Variants in VEZT observed in about 807,000 individuals in gnomAD.
VEZT encodes vezatin.
Under a neutral mutation model 79.9 loss-of-function variants are expected in VEZT, and 39 were observed. The observed-to-expected ratio is 0.49, with a 90% CI of 0.38 to 0.64. The LOEUF (loss-of-function observed/expected upper bound fraction) is 0.64. VEZT is among the 30% of genes least tolerant of loss of function. The pLI is 0.00. For synonymous variants in VEZT, 325 were observed against 327.6 expected, an observed-to-expected ratio of 0.99 and a Z score of 0.09; for missense variants, 837 against 893.1, an observed-to-expected ratio of 0.94 and a Z score of 0.80.
At chr12:95,246,951 T>C (rs1167143869) in intron 1 of VEZT, among the ~76,000 whole-genome samples, 11 of 152,240 alleles carry the variant, frequency 7.2e-5, no homozygotes, top group Non-Finnish European at 2.9e-5. Flanking sequence ...AGCTACCATC[T>C]AATACTTTAT....
intron 11 of VEZT, chr12:95,299,419 C>A (rs561964679): frequency 1.3e-5 from 2 of 152,254 alleles, no homozygotes; most frequent in Admixed American, 6.6e-5. Context: ...CAACTTCTAC[C>A]GTATGAATAT....
In VEZT at chr12:95,252,043, A is replaced by G; in HGVS notation, c.140A>G (p.Gln47Arg). The G allele has an allele frequency of 1.1e-5, 17 of 1,611,236 alleles. No homozygotes were observed. The highest frequency in any genetic ancestry group is 1.4e-5 in the Non-Finnish European group (17 of 1,178,954). Residue 47 changes from glutamine (Q) to arginine (R), a missense_variant, in exon 2 of 12, where the codon CAA becomes CGA. Coordinates refer to ENST00000436874, the MANE Select transcript of VEZT (RefSeq NM_017599.4). ...GAAAAATGCACAACAGAGGGACAAC[A>G]AAAGCCTCCTACAAGAGTCCTACCA... The part of the protein sequence containing the change: ...KTEKCTTEGQ[Q>R]KPPTRVLPKQ...
intron 9 of VEZT, 53 bp from the exon 10 acceptor site, chr12:95,294,219 T>C: frequency 6.9e-7 from 1 of 1,451,674 alleles, no homozygotes; most frequent in Non-Finnish European, 9.4e-7. Flanking sequence ...GTTCACTCAT[T>C]TCTGTGTGGT....
At chr12:95,225,219 C>G (rs997409551) in intron 1 of VEZT, among the ~76,000 whole-genome samples, 5 of 152,194 alleles carry the variant, frequency 3.3e-5, no homozygotes, top group African/African-American at 1.2e-4. Context: ...CCTACAGGAT[C>G]AAGCTCTATC....
At chr12:95,255,403 C>G (rs1049603684) in intron 2 of VEZT, among the ~76,000 whole-genome samples, 1 of 152,018 alleles carries the variant, frequency 6.6e-6, no homozygotes, top group African/African-American at 2.4e-5. Context: ...AACTTAAAGG[C>G]CTTTATTGTT....
rs986215261 is a variant in VEZT at position 95,287,608 on chromosome 12, A to G, written c.1329-56A>G. ...TATTTTAAAATAAGCCTCGTAAATTATAAATTTTTCATTTCATATTATAGA... is the reference window on the plus strand; with the variant it reads ...TATTTTAAAATAAGCCTCGTAAATTGTAAATTTTTCATTTCATATTATAGA... On this transcript the variant is annotated intron_variant, in intron 8 of 11. Transcript: ENST00000436874. 18 of 1,381,906 alleles carry G rather than the reference A, an allele frequency of 1.3e-5. No individual in the cohort carries two copies. The Admixed American group carries it at 2.9e-4, about 22-fold the overall frequency. 85.6% of individuals were successfully genotyped at this position (1,381,906 alleles called of 1,614,324 possible).
intron 1 of VEZT, among the ~76,000 whole-genome samples, chr12:95,237,596 C>CA (rs1331600672): frequency 6.6e-6 from 1 of 152,164 alleles, no homozygotes; most frequent in Non-Finnish European, 1.5e-5. Flanking sequence ...GTATAGCCCC[C>CA]ATAGCCTTGG....
intron 6 of VEZT, among the ~76,000 whole-genome samples, chr12:95,273,602 A>G (rs945657976): frequency 5.3e-5 from 8 of 152,182 alleles, no homozygotes; most frequent in Non-Finnish European, 8.8e-5. Flanking sequence ...TTTTTTAACT[A>G]CCAGATCCAG....
intron 2 of VEZT, 159 bp downstream of exon 2, chr12:95,252,230 T>A: frequency 4.5e-6 from 3 of 667,566 alleles, no homozygotes; most frequent in Non-Finnish European, 6.7e-6. Flanking sequence ...CATGAATCCT[T>A]ACTGCTTTGG....
intron 10 of VEZT, among the ~76,000 whole-genome samples, chr12:95,295,756 G>T (rs2074004075): frequency 6.6e-6 from 1 of 152,206 alleles, no homozygotes; most frequent in Admixed American, 6.5e-5. Context: ...TATAGCTAAT[G>T]GCTGTAACAC....
chr12:95,270,049 A>C lies in VEZT; in HGVS notation c.711-2A>C. 6.2e-7 allele frequency: 1 copy of C among 1,609,942 alleles called. No individual in the cohort carries two copies. The highest frequency in any genetic ancestry group is 1.3e-5 in the African/African-American group (1 of 74,986). On this transcript the variant is annotated splice_acceptor_variant, in intron 5 of 11. Transcript: ENST00000436874. LOFTEE classifies it high-confidence loss of function. The stretch of plus-strand genomic sequence containing the variant: ...ATTTTACTTTTCAAGTTTGCTTGAC[A>C]GGGTCAGTGCTGCTTGCCCATTTAA...
chr12:95,228,866 G>T (rs928630628), intron 1 of VEZT, among the ~76,000 whole-genome samples: 8 of 152,076 alleles, frequency 5.3e-5, no homozygotes, highest in Admixed American at 2.0e-4. Context: ...TGGCCAGTGT[G>T]GTGGCATGTA....
chr12:95,275,602 A>G (rs1159697294), intron 7 of VEZT, among the ~76,000 whole-genome samples: 7 of 152,166 alleles, frequency 4.6e-5, no homozygotes, highest in Non-Finnish European at 8.8e-5. Context: ...TAAACTTTTA[A>G]CTTCAAATAA....
chr12:95,276,754 C>A (rs2067872182), intron 7 of VEZT, among the ~76,000 whole-genome samples: 1 of 152,104 alleles, frequency 6.6e-6, no homozygotes, highest in African/African-American at 2.4e-5. Context: ...TATTGACTTC[C>A]ATATCTTTTA....
At chr12:95,267,439 A>G (rs1566175762) in intron 5 of VEZT, among the ~76,000 whole-genome samples, 1 of 152,184 alleles carries the variant, frequency 6.6e-6, no homozygotes, top group Non-Finnish European at 1.5e-5. Flanking sequence ...TTTGCAATCT[A>G]TAGGTGGGGG....
At position 95,302,537 on chromosome 12, in the gene VEZT, T is replaced by C. The variant is rs2075324525; in HGVS notation, c.*1864T>C. ...TTTGAGTATTTGTTCTTTTGTGTAGTTTCCATCTTTTAAAATATTTAAAAT... is the reference window on the plus strand; with the variant it reads ...TTTGAGTATTTGTTCTTTTGTGTAGCTTCCATCTTTTAAAATATTTAAAAT... On this transcript the variant is annotated 3_prime_UTR_variant, in exon 12 of 12. Coordinates refer to ENST00000436874, the MANE Select transcript of VEZT (RefSeq NM_017599.4). 6.6e-6 allele frequency: 1 copy of C among 152,176 alleles called. No individual in the cohort carries two copies. Among genetic ancestry groups the C allele is most frequent in the Non-Finnish European group, 1.5e-5 (1 of 68,026 alleles). 9.4% of individuals were successfully genotyped at this position (152,176 alleles called of 1,614,324 possible). A position where few individuals can be genotyped will look rare whatever the true frequency, so the allele number is the denominator to read the frequency against.
chr12:95,287,708 A>C lies in VEZT; in HGVS notation c.1373A>C (p.Lys458Thr). The C allele has an allele frequency of 6.3e-7, 1 of 1,592,758 alleles. No individual in the cohort carries two copies. Among genetic ancestry groups the C allele is most frequent in the Non-Finnish European group, 8.6e-7 (1 of 1,168,334 alleles). Residue 458 changes from lysine to threonine, a missense_variant, in exon 9 of 12, where the codon AAA becomes ACA. Lys to Thr is a moderately conservative substitution (Grantham distance 78, BLOSUM62 -1). Transcript: ENST00000436874. ...GAACTTGAAAAGCTTGTTTGTACTA[A>C]AGAAACACAAGAACTAGTGTCAGAG... Reference protein sequence around the residue: ...EDELEKLVCTKETQELVSEAY... With the variant: ...EDELEKLVCTTETQELVSEAY...
At chr12:95,294,422 T>G (rs188455680) in intron 10 of VEZT, 50 bp downstream of exon 10, 2 of 1,403,978 alleles carry the variant, frequency 1.4e-6, no homozygotes, top group Non-Finnish European at 2.0e-6. Flanking sequence ...CTGTTTCTAA[T>G]GAGCTTCAAA....
intron 7 of VEZT, among the ~76,000 whole-genome samples, chr12:95,277,913 T>A (rs2068124256): frequency 6.6e-6 from 1 of 152,260 alleles, no homozygotes; most frequent in Non-Finnish European, 1.5e-5. Flanking sequence ...CTCATCAAGA[T>A]GCCTTGGAGA....
Sources: allele counts gnomAD v4.1 joint callset (sites outside exome capture counted in the v4.1 genomes callset), GRCh38; gene constraint gnomAD v4.1.1; transcripts MANE v1.5; gene names NCBI Gene and HGNC (gene_info 2026-07-23, HGNC 2026-07-21).